The following FRRS1L variants were observed in gnomAD, a reference collection of about 807,000 sequenced individuals.
FRRS1L encodes DOMON domain-containing protein FRRS1L.
In FRRS1L, 22 loss-of-function variants were observed where a neutral mutation model predicts 28.6. The observed-to-expected ratio is 0.77, with a 90% CI of 0.55 to 1.10. FRRS1L has a LOEUF of 1.10. Ranked by LOEUF, FRRS1L falls within the 50% of genes least tolerant of loss-of-function variation. The probability of loss-of-function intolerance (pLI) is 0.00; values close to 1 mark genes in which losing one functional copy is unlikely to be tolerated. For missense variants in FRRS1L, 380 were observed against 386.9 expected (o/e 0.98, Z 0.15); for synonymous variants, 158 against 151.4 (o/e 1.04, Z -0.32).
At chr9:109,149,943 T>G in intron 1 of FRRS1L, 1 of 472,034 alleles carries the variant, frequency 2.1e-6, no homozygotes, top group Non-Finnish European at 3.8e-6. Flanking sequence ...GTGTGTCCTT[T>G]TCTCACTTTA....
intron 1 of FRRS1L, among the ~76,000 whole-genome samples, chr9:109,152,841 GAAC>G (rs1380099953): frequency 2.1e-5 from 1 of 47,658 alleles, no homozygotes; most frequent in Non-Finnish European, 4.4e-5. Context: ...AAAAAAAAAA[GAAC>G]AACAGGTTTC....
intron 2 of FRRS1L, chr9:109,148,652 AGG>A (rs1831292675): frequency 6.6e-6 from 1 of 152,228 alleles, no homozygotes; most frequent in Non-Finnish European, 1.5e-5. Context: ...CCGAGCAGTC[AGG>A]AAGAGATATA....
At chr9:109,147,952 A>G (rs992891049) in intron 2 of FRRS1L, 1 of 151,486 alleles carries the variant, frequency 6.6e-6, no homozygotes, top group Non-Finnish European at 1.5e-5. Context: ...AATGAATGCA[A>G]TATTTATTTA....
At chr9:109,144,915 C>A (rs900230355) in intron 3 of FRRS1L, among the ~76,000 whole-genome samples, 3 of 152,134 alleles carry the variant, frequency 2.0e-5, no homozygotes, top group South Asian at 4.1e-4. Flanking sequence ...GAACTCCTGA[C>A]CTCAGGCGAT....
At chr9:109,155,262 A>G (rs117253890) in intron 1 of FRRS1L, among the ~76,000 whole-genome samples, 34 of 152,338 alleles carry the variant, frequency 2.2e-4, no homozygotes, top group Non-Finnish European at 4.6e-4. Flanking sequence ...TAATTTGCAT[A>G]AATGACACTG....
rs1340786173 is a variant in FRRS1L, at chr9:109,137,483, G to A, written c.854C>T (p.Thr285Ile). Residue 285 changes from threonine to isoleucine, a missense_variant, in exon 5 of 5, where the codon ACC becomes ATC. Transcript: ENST00000561981. ...GGGGGTTCCCATCAATAGGTAGAAGGTCAGAGCAACAATCAGAAGCAAACA... is the reference window on the plus strand; with the variant it reads ...GGGGGTTCCCATCAATAGGTAGAAGATCAGAGCAACAATCAGAAGCAAACA... ...PFCLLLIVAL[T>I]FYLLMGTP The A allele has an allele frequency of 6.2e-7, 1 of 1,611,920 alleles. No individual in the cohort carries two copies. Among genetic ancestry groups the A allele is most frequent in the Admixed American group, 1.7e-5 (1 of 59,910 alleles).
chr9:109,150,821 T>C (rs546564900), intron 1 of FRRS1L: 11 of 152,368 alleles, frequency 7.2e-5, no homozygotes, highest in Admixed American at 1.3e-4. Flanking sequence ...GTGAGACTTA[T>C]CTTGTATTCT....
intron 1 of FRRS1L, chr9:109,152,035 C>T (rs911566652): frequency 1.3e-5 from 2 of 152,244 alleles, no homozygotes; most frequent in Non-Finnish European, 2.9e-5. Context: ...GGTTCCCCAT[C>T]TTCTTCCATT....
chr9:109,167,061 G>A lies in FRRS1L; in HGVS notation c.78C>T (p.Cys26=). The change falls in exon 1 of 5, where the codon TGC becomes TGT. Residue 26 remains cysteine, a synonymous_variant. Coordinates refer to ENST00000561981, the MANE Select transcript of FRRS1L (RefSeq NM_014334.4). ...CACCGTCGTCCGCGGGGCTGGCTGC[G>A]CAGGCGGCGGGCCCCGTCAGTAGCA... ...LLLLLTGPAA[C]AASPADDGAG... The A allele has an allele frequency of 8.5e-7, 1 of 1,179,806 alleles. No individual in the cohort carries two copies. 73.1% of individuals were successfully genotyped at this position (1,179,806 alleles called of 1,614,324 possible). A position where few individuals can be genotyped will look rare whatever the true frequency, so the allele number is the denominator to read the frequency against.
intron 1 of FRRS1L, among the ~76,000 whole-genome samples, chr9:109,153,790 A>G (rs187793522): frequency 6.6e-6 from 1 of 152,336 alleles, no homozygotes; most frequent in East Asian, 1.9e-4. Flanking sequence ...ATACTGGAAT[A>G]TAAGCAGAGC....
In FRRS1L at chr9:109,132,038, A is replaced by G. The variant is rs758140468; in HGVS notation, c.*5417T>C. On this transcript the variant is annotated 3_prime_UTR_variant, in exon 5 of 5. Transcript: ENST00000561981. ...ACCCAGGCTGGAGTGCAGAGGGGCA[A>G]TCTCGGCTCATTGAAAGCTCCACCT... 6.6e-6 allele frequency: 1 copy of G among 151,024 alleles called. No individual in the cohort carries two copies. The highest frequency in any genetic ancestry group is 1.5e-5 in the Non-Finnish European group (1 of 67,532). The allele number at this position is 151,024 out of a possible 1,614,324, so 9.4% of individuals were successfully genotyped here. A position where few individuals can be genotyped will look rare whatever the true frequency, so the allele number is the denominator to read the frequency against.
At chr9:109,152,447 C>T (rs895110324) in intron 1 of FRRS1L, among the ~76,000 whole-genome samples, 3 of 151,718 alleles carry the variant, frequency 2.0e-5, no homozygotes, top group African/African-American at 7.3e-5. Flanking sequence ...TGCGCCTGGC[C>T]CTATTAAATT....
In FRRS1L at chr9:109,131,227, T is replaced by C. The variant is rs781257961; in HGVS notation, c.*6228A>G. 9.2e-5 allele frequency: 14 copies of C among 152,240 alleles called. No individual in the cohort carries two copies. Among genetic ancestry groups the C allele is most frequent in the Non-Finnish European group, 2.1e-4 (14 of 68,040 alleles). 9.4% of individuals were successfully genotyped at this position (152,240 alleles called of 1,614,324 possible). A position where few individuals can be genotyped will look rare whatever the true frequency, so the allele number is the denominator to read the frequency against. On this transcript the variant is annotated 3_prime_UTR_variant, in exon 5 of 5. Transcript: ENST00000561981. ...GCCAGTTACTCAGCTAACACTAGTCTTGGTTTCTTAACTAACAGTATAGAA... is the reference window on the plus strand; with the variant it reads ...GCCAGTTACTCAGCTAACACTAGTCCTGGTTTCTTAACTAACAGTATAGAA...
At chr9:109,154,122 C>T (rs978448136) in intron 1 of FRRS1L, among the ~76,000 whole-genome samples, 5 of 152,204 alleles carry the variant, frequency 3.3e-5, no homozygotes, top group Admixed American at 2.0e-4. Flanking sequence ...CAACCTCATC[C>T]CATGCTGCTC....
intron 1 of FRRS1L, among the ~76,000 whole-genome samples, chr9:109,160,165 T>C (rs1410489422): frequency 6.6e-6 from 1 of 152,186 alleles, no homozygotes. Context: ...TTTCGGCCTT[T>C]CTTCTTTTCT....
rs1473027774 is a variant in FRRS1L, at chr9:109,131,634, C to A, written c.*5821G>T. On this transcript the variant is annotated 3_prime_UTR_variant, in exon 5 of 5. Transcript: ENST00000561981. ...AGTCAAAACAATTATGGGACATAAC[C>A]CCATTGTAAGTTGTAGGAATGTATC... is the stretch of plus-strand genomic sequence containing the variant. The A allele has an allele frequency of 1.3e-5, 2 of 152,076 alleles. No homozygotes were observed. Among genetic ancestry groups the A allele is most frequent in the Non-Finnish European group, 2.9e-5 (2 of 68,014 alleles). The allele number at this position is 152,076 out of a possible 1,614,324, so 9.4% of individuals were successfully genotyped here.
rs943147745 is a variant in FRRS1L, at chr9:109,130,525, C to A, written c.*6930G>T. 3.3e-5 allele frequency: 5 copies of A among 152,116 alleles called. No individual in the cohort carries two copies. The highest frequency in any genetic ancestry group is 6.5e-5 in the Admixed American group (1 of 15,268). 9.4% of individuals were successfully genotyped at this position (152,116 alleles called of 1,614,324 possible). A position where few individuals can be genotyped will look rare whatever the true frequency, so the allele number is the denominator to read the frequency against. On this transcript the variant is annotated 3_prime_UTR_variant, in exon 5 of 5. Transcript: ENST00000561981. ...CCACGTCTTTATTAGTAATGTGCCA[C>A]ACATCTTAGAGTAAAAATTTACATA...
chr9:109,162,879 A>G (rs912463982), intron 1 of FRRS1L, among the ~76,000 whole-genome samples: 2 of 152,196 alleles, frequency 1.3e-5, no homozygotes, highest in Non-Finnish European at 2.9e-5. Context: ...TCAGAACTCA[A>G]TGGTCAGAAA....
Position 109,152,411 on chromosome 9 carries a change from G to C in FRRS1L, c.239-2691C>G, listed in dbSNP as rs183950787. On this transcript the variant is annotated intron_variant, in intron 1 of 4. Coordinates refer to ENST00000561981, the MANE Select transcript of FRRS1L (RefSeq NM_014334.4). ...GATCCGCCTGCCTCAGCCTCCCAAA[G>C]TGCTGGGATTACAGGCATGAGCCAC... Among the ~76,000 whole-genome samples the C allele has an allele frequency of 1.4e-3, 217 of 152,092 alleles. 1 individual carries two copies. Among genetic ancestry groups the C allele is most frequent in the Non-Finnish European group, 2.5e-3 (171 of 67,986 alleles).
Sources: allele counts gnomAD v4.1 joint callset (sites outside exome capture counted in the v4.1 genomes callset), GRCh38; gene constraint gnomAD v4.1.1; transcripts MANE v1.5; gene names NCBI Gene and HGNC (gene_info 2026-07-23, HGNC 2026-07-21).